Variants in TLE4 observed in about 807,000 individuals in gnomAD.
TLE4 encodes TLE family member 4, transcriptional corepressor, also known as transducin-like enhancer protein 4.
A neutral mutation model predicts 92.8 loss-of-function variants in TLE4; 8 were observed. The ratio of observed to expected loss-of-function variants is 0.09; its 90% CI spans 0.05 to 0.16. The LOEUF is 0.16. TLE4 is among the 10% of genes least tolerant of loss of function. The pLI is 1.00. For missense variants in TLE4, 675 were observed against 997.6 expected, an observed-to-expected ratio of 0.68 and a Z score of 4.36; for synonymous variants, 371 against 374.1, an observed-to-expected ratio of 0.99 and a Z score of 0.10.
intron 6 of TLE4, among the ~76,000 whole-genome samples, chr9:79,640,540 A>G (rs2056917808): frequency 6.6e-6 from 1 of 152,042 alleles, no homozygotes; most frequent in Admixed American, 6.6e-5. Flanking sequence ...CCATCTGAGT[A>G]AATGGTACAA....
At chr9:79,709,138 A>G (rs1039032116) in intron 13 of TLE4, among the ~76,000 whole-genome samples, 6 of 152,024 alleles carry the variant, frequency 3.9e-5, no homozygotes, top group Non-Finnish European at 8.8e-5. Context: ...TGGCCTATCT[A>G]TTTTTTAATG....
Position 79,718,746 on chromosome 9 carries a change from A to G in TLE4, c.1365A>G (p.Ala455=). The change falls in exon 15 of 20, where the codon GCA becomes GCG. Residue 455 remains alanine (A), a synonymous_variant. Transcript: ENST00000376552. ...GKPAYSFHVS[A]DGQMQPVPFP... is the part of the protein sequence containing the mutation. The stretch of plus-strand genomic sequence containing the variant: ...GAGCATACTCCTTCCATGTTAGCGC[A>G]GATGGTCAGATGCAGCCTGTCCCTT... 1 of 1,614,114 alleles carries G rather than the reference A, an allele frequency of 6.2e-7. No individual in the cohort carries two copies. Among genetic ancestry groups the G allele is most frequent in the Non-Finnish European group, 8.5e-7 (1 of 1,179,982 alleles).
chr9:79,724,722 T>C (rs1363832199), intron 19 of TLE4, among the ~76,000 whole-genome samples: 1 of 151,608 alleles, frequency 6.6e-6, no homozygotes, highest in Non-Finnish European at 1.5e-5. Flanking sequence ...CACATCAGTG[T>C]CGTAGTCCCA....
chr9:79,573,999 C>T, intron 2 of TLE4: 1 of 358,132 alleles, frequency 2.8e-6, no homozygotes. Context: ...AAAAAGAAGG[C>T]AGAACAATCG....
At chr9:79,708,302 T>C in intron 12 of TLE4, 52 bp downstream of exon 12, 1 of 1,587,562 alleles carries the variant, frequency 6.3e-7, no homozygotes, top group Non-Finnish European at 8.6e-7. Flanking sequence ...TTTAAGAATT[T>C]AAAGCAATTT....
intron 14 of TLE4, among the ~76,000 whole-genome samples, chr9:79,711,882 C>T (rs2073383122): frequency 6.6e-6 from 1 of 152,166 alleles, no homozygotes; most frequent in African/African-American, 2.4e-5. Flanking sequence ...GCAAATGACA[C>T]TTTACCAGGA....
intron 4 of TLE4, among the ~76,000 whole-genome samples, chr9:79,601,958 T>C (rs1479215542): frequency 6.6e-6 from 1 of 152,100 alleles, no homozygotes; most frequent in Non-Finnish European, 1.5e-5. Flanking sequence ...ACTCCAGTGG[T>C]AAGAAAATGA....
chr9:79,572,735 A>C lies in TLE4; in HGVS notation c.-56A>C. On this transcript the variant is annotated 5_prime_UTR_variant, in exon 1 of 20. Coordinates refer to ENST00000376552, the MANE Select transcript of TLE4 (RefSeq NM_007005.6). ...CCGCGGCCGCCTCCTCTTCGGGGTC[A>C]TTAAAGCCAATGAGCCGCGCGCCTC... 1 of 1,577,582 alleles carries C rather than the reference A, an allele frequency of 6.3e-7. No homozygotes were observed. Among genetic ancestry groups the C allele is most frequent in the South Asian group, 1.1e-5 (1 of 88,088 alleles).
At chr9:79,693,859 AGT>A (rs1491478222) in intron 8 of TLE4, among the ~76,000 whole-genome samples, 1 of 152,154 alleles carries the variant, frequency 6.6e-6, no homozygotes, top group African/African-American at 2.4e-5. Context: ...CTGTGTGGTG[AGT>A]GAGAGTATTT....
intron 6 of TLE4, among the ~76,000 whole-genome samples, chr9:79,647,021 CTT>C (rs2058208371): frequency 6.6e-6 from 1 of 152,080 alleles, no homozygotes; most frequent in African/African-American, 2.4e-5. Context: ...TTTGAAAGGA[CTT>C]TATAATTTTG....
intron 8 of TLE4, among the ~76,000 whole-genome samples, chr9:79,659,436 CACTT>C (rs1005520661): frequency 1.3e-5 from 2 of 151,632 alleles, no homozygotes; most frequent in African/African-American, 4.8e-5. Context: ...TGCCTTTAAT[CACTT>C]AGTAAAATAA....
At chr9:79,681,832 ATGTG>A (rs35005870) in intron 8 of TLE4, among the ~76,000 whole-genome samples, 33,539 of 141,486 alleles carry the variant, frequency 0.24, 4,265 homozygotes, top group African/African-American at 0.37. Flanking sequence ...GAGTGTGTGC[ATGTG>A]TGTGTGTGTG....
At chr9:79,662,488 G>T (rs2060677437) in intron 8 of TLE4, among the ~76,000 whole-genome samples, 1 of 152,032 alleles carries the variant, frequency 6.6e-6, no homozygotes, top group Admixed American at 6.6e-5. Flanking sequence ...TTCTGTTTTT[G>T]TGAGCGACAT....
At chr9:79,603,201 A>C (rs1185724633) in intron 4 of TLE4, among the ~76,000 whole-genome samples, 1 of 152,230 alleles carries the variant, frequency 6.6e-6, no homozygotes, top group African/African-American at 2.4e-5. Context: ...TTGATAAAGC[A>C]GTGGCAGAGT....
In TLE4 at chr9:79,646,796, T is replaced by C. The variant is rs181100000; in HGVS notation, c.391-5797T>C. ...TTGGTGACTTAATTTCATTTTATCTTATAGTTTAATATTTTTAAAACACTT... is the reference window on the plus strand; with the variant it reads ...TTGGTGACTTAATTTCATTTTATCTCATAGTTTAATATTTTTAAAACACTT... On this transcript the variant is annotated intron_variant, in intron 6 of 19. Coordinates refer to ENST00000376552, the MANE Select transcript of TLE4 (RefSeq NM_007005.6). 1.2e-3 allele frequency among the ~76,000 whole-genome samples: 181 copies of C among 152,312 alleles called. 1 individual carries two copies. The highest frequency in any genetic ancestry group is 4.1e-3 in the African/African-American group (171 of 41,568).
rs1019241411 is a variant in TLE4 at position 79,692,581 on chromosome 9, A to G, written c.610-12202A>G. ...ACTATCTTAGTTTGTTCGGGGTGCT[A>G]TGATAAACTACCATAAACTGGGTAG... On this transcript the variant is annotated intron_variant, in intron 8 of 19. Transcript: ENST00000376552. Among the ~76,000 whole-genome samples the G allele has an allele frequency of 6.6e-5, 10 of 152,182 alleles. No homozygotes were observed. In the East Asian group the frequency reaches 1.4e-3, roughly 21 times the overall value.
At chr9:79,676,849 G>C (rs2063349905) in intron 8 of TLE4, among the ~76,000 whole-genome samples, 1 of 152,044 alleles carries the variant, frequency 6.6e-6, no homozygotes, top group African/African-American at 2.4e-5. Flanking sequence ...TTATTAGTTT[G>C]AGCTAAATGT....
intron 5 of TLE4, among the ~76,000 whole-genome samples, chr9:79,613,865 T>C (rs1449931551): frequency 2.0e-5 from 3 of 152,132 alleles, no homozygotes; most frequent in African/African-American, 7.2e-5. Flanking sequence ...AGGTATATAC[T>C]GGGGAGGGGG....
intron 6 of TLE4, among the ~76,000 whole-genome samples, chr9:79,652,255 C>G (rs5023335): frequency 0.11 from 16,188 of 151,792 alleles, 947 homozygotes; most frequent in African/African-American, 0.15. Context: ...GGCACGAACT[C>G]GGCTCACTGC....
Sources: allele counts gnomAD v4.1 joint callset (sites outside exome capture counted in the v4.1 genomes callset), GRCh38; gene constraint gnomAD v4.1.1; transcripts MANE v1.5; gene names NCBI Gene and HGNC (gene_info 2026-07-23, HGNC 2026-07-21).